RAB3IP: variants seen among roughly 807,000 people sequenced by gnomAD.
RAB3IP encodes rab-3A-interacting protein.
In RAB3IP, 36 loss-of-function variants were observed where a neutral mutation model predicts 59.1. The ratio of observed to expected loss-of-function variants is 0.61; its 90% CI spans 0.47 to 0.80. The LOEUF (loss-of-function observed/expected upper bound fraction) is 0.80, where lower values mean the gene tolerates loss of function less well. Among genes scored for constraint, RAB3IP ranks in the 30% least tolerant of loss-of-function variants. The pLI is 0.00. For missense variants in RAB3IP, 511 were observed against 536.0 expected (o/e 0.95, Z 0.46); for synonymous variants, 207 against 191.2 (o/e 1.08, Z -0.68).
At chr12:69,747,309 T>C (rs1358200814) in intron 1 of RAB3IP, among the ~76,000 whole-genome samples, 1 of 138,948 alleles carries the variant, frequency 7.2e-6, no homozygotes, top group African/African-American at 2.6e-5. Context: ...TGTGTGTGTG[T>C]GTGTGTGTGT....
chr12:69,801,149 A>G (rs544822586), intron 7 of RAB3IP, among the ~76,000 whole-genome samples: 1 of 152,306 alleles, frequency 6.6e-6, no homozygotes, highest in South Asian at 2.1e-4. Context: ...AATATTTGAT[A>G]ATTCAGCTAA....
chr12:69,756,570 T>A lies in RAB3IP; in HGVS notation c.417T>A (p.Thr139=). The part of the protein sequence containing the change: ...DGSDDIFGLS[T]DSLSRLRSPS... ...GTGATGATATTTTTGGGTTGAGTAC[T>A]GATAGTCTGTCTCGTTTACGAAGCC... The change falls in exon 3 of 11, where the codon ACT becomes ACA. Residue 139 remains threonine (T), a synonymous_variant. Transcript: ENST00000247833. 1.2e-6 allele frequency: 2 copies of A among 1,614,158 alleles called. No individual in the cohort carries two copies. The highest frequency in any genetic ancestry group is 1.7e-6 in the Non-Finnish European group (2 of 1,179,994).
chr12:69,799,141 T>G (rs754974822), intron 6 of RAB3IP, among the ~76,000 whole-genome samples: 2 of 152,212 alleles, frequency 1.3e-5, no homozygotes, highest in Admixed American at 6.5e-5. Flanking sequence ...CACATGGAGA[T>G]TGCCCTTATA....
At chr12:69,808,660 G>A (rs576195358) in intron 8 of RAB3IP, among the ~76,000 whole-genome samples, 1 of 151,900 alleles carries the variant, frequency 6.6e-6, no homozygotes, top group African/African-American at 2.4e-5. Flanking sequence ...TTATGTAATG[G>A]TCTTGTCTCT....
At chr12:69,806,124 T>TC (rs761531108) in intron 8 of RAB3IP, among the ~76,000 whole-genome samples, 12 of 152,156 alleles carry the variant, frequency 7.9e-5, no homozygotes, top group Non-Finnish European at 1.8e-4. Flanking sequence ...ATCCATCTGG[T>TC]CTGGACTTTT....
chr12:69,806,487 C>G (rs1201572046), intron 8 of RAB3IP, among the ~76,000 whole-genome samples: 1 of 149,832 alleles, frequency 6.7e-6, no homozygotes, highest in Non-Finnish European at 1.5e-5. Flanking sequence ...TTTTTTGCGT[C>G]TCTATTTCCT....
intron 3 of RAB3IP, among the ~76,000 whole-genome samples, chr12:69,773,225 C>T (rs565112140): frequency 1.3e-5 from 2 of 152,036 alleles, no homozygotes; most frequent in South Asian, 4.2e-4. Flanking sequence ...TCAGAATCCC[C>T]TCCTTGTCTT....
chr12:69,746,362 A>G (rs927326036), intron 1 of RAB3IP, among the ~76,000 whole-genome samples: 20 of 152,154 alleles, frequency 1.3e-4, no homozygotes, highest in African/African-American at 4.6e-4. Flanking sequence ...TAGTTTTGTT[A>G]GTGCCAGACC....
intron 1 of RAB3IP, among the ~76,000 whole-genome samples, chr12:69,747,132 T>C (rs1868429551): frequency 1.3e-5 from 2 of 152,202 alleles, no homozygotes; most frequent in African/African-American, 4.8e-5. Flanking sequence ...CTTGTGCTGA[T>C]ACAATATGAT....
At chr12:69,750,822 G>A (rs1226577355) in intron 1 of RAB3IP, among the ~76,000 whole-genome samples, 3 of 150,344 alleles carry the variant, frequency 2.0e-5, no homozygotes, top group African/African-American at 7.3e-5. Context: ...GATTGTCTCC[G>A]TTTTTGTGAC....
rs1392877085 is a variant in RAB3IP at position 69,821,364 on chromosome 12, G to GA, written c.*5922dup. ...TGTAAGACGTAAAGACCATAATCAG[G>GA]AAAATACGCATCATATTTGTTATTC... On this transcript the variant is annotated 3_prime_UTR_variant, in exon 11 of 11. Transcript: ENST00000247833. The GA allele has an allele frequency of 2.0e-5, 3 of 152,194 alleles. No homozygotes were observed. The highest frequency in any genetic ancestry group is 4.4e-5 in the Non-Finnish European group (3 of 68,040). 9.4% of individuals were successfully genotyped at this position (152,194 alleles called of 1,614,324 possible).
intron 8 of RAB3IP, among the ~76,000 whole-genome samples, chr12:69,804,688 G>A (rs1402506175): frequency 5.9e-5 from 9 of 151,926 alleles, no homozygotes; most frequent in Non-Finnish European, 1.5e-5. Flanking sequence ...TGTAAGGAAG[G>A]GATCCAGTTT....
At chr12:69,752,518 G>A (rs549616838) in intron 1 of RAB3IP, among the ~76,000 whole-genome samples, 1 of 152,136 alleles carries the variant, frequency 6.6e-6, no homozygotes, top group African/African-American at 2.4e-5. Context: ...TTGCTATTAC[G>A]AAGAGTGCTG....
intron 1 of RAB3IP, among the ~76,000 whole-genome samples, chr12:69,754,371 T>A (rs867072896): frequency 9.1e-5 from 11 of 120,932 alleles, no homozygotes; most frequent in South Asian, 5.9e-4. Context: ...ACACACACAC[T>A]GTGTATATGT....
chr12:69,764,137 G>A (rs1267999027), intron 3 of RAB3IP, among the ~76,000 whole-genome samples: 1 of 152,148 alleles, frequency 6.6e-6, no homozygotes, highest in Non-Finnish European at 1.5e-5. Context: ...TAATGGGATT[G>A]CTGAGTTGAA....
intron 4 of RAB3IP, among the ~76,000 whole-genome samples, chr12:69,785,199 C>T (rs1292379542): frequency 6.6e-6 from 1 of 152,152 alleles, no homozygotes; most frequent in Non-Finnish European, 1.5e-5. Context: ...TGTTAGAAGG[C>T]ACATCTACTT....
intron 1 of RAB3IP, among the ~76,000 whole-genome samples, chr12:69,743,177 C>T (rs954658693): frequency 2.0e-5 from 3 of 152,146 alleles, no homozygotes; most frequent in African/African-American, 7.2e-5. Flanking sequence ...CTTAGAACCA[C>T]TTAAATAAGT....
At position 69,806,977 on chromosome 12, in the gene RAB3IP, C is replaced by G. The variant is rs147641928; in HGVS notation, c.1130+5256C>G. Among the ~76,000 whole-genome samples the G allele has an allele frequency of 4.2e-3, 643 of 152,328 alleles. 7 individuals carry two copies. Among genetic ancestry groups the G allele is most frequent in the African/African-American group, 0.015 (606 of 41,570 alleles). ...AAAATGGAGTCTCCTATGTCTACTT[C>G]TTTCTAGACAGACACAGTAACAATC... is the stretch of plus-strand genomic sequence containing the variant. On this transcript the variant is annotated intron_variant, in intron 8 of 10. Coordinates refer to ENST00000247833, the MANE Select transcript of RAB3IP (RefSeq NM_022456.5).
intron 5 of RAB3IP, among the ~76,000 whole-genome samples, chr12:69,794,755 A>C (rs1476667083): frequency 1.3e-5 from 2 of 152,214 alleles, no homozygotes; most frequent in East Asian, 3.9e-4. Context: ...TATCCAAAGG[A>C]TTATAGAATC....
Sources: gnomAD v4.1 joint callset for allele counts (sites outside exome capture counted in the v4.1 genomes callset) on GRCh38, gnomAD v4.1.1 for gene constraint, MANE v1.5 for transcripts, NCBI Gene and HGNC (gene_info 2026-07-23, HGNC 2026-07-21) for gene names.